SAMD3: variants seen among roughly 807,000 people sequenced by gnomAD.
The protein encoded by SAMD3 is sterile alpha motif domain containing 3, also known as sterile alpha motif domain-containing protein 3.
A neutral mutation model predicts 58.5 loss-of-function variants in SAMD3; 63 were observed. The ratio of observed to expected loss-of-function variants is 1.08; its 90% confidence interval spans 0.88 to 1.33. The LOEUF is 1.33. SAMD3 is among the 40% of genes most tolerant of loss of function. The pLI is 0.00. For synonymous variants in SAMD3, 220 were observed against 210.3 expected (o/e 1.05, Z -0.40); for missense variants, 604 against 608.4 (o/e 0.99, Z 0.08).
At position 130,181,919 on chromosome 6, in the gene SAMD3, C is replaced by T. The variant is rs139566996; in HGVS notation, c.654+2184G>A. On this transcript the variant is annotated intron_variant, in intron 7 of 11. Transcript: ENST00000439090. The stretch of plus-strand genomic sequence containing the variant: ...TGTCTACTAAAAATACAACAAATTA[C>T]CTGGGCGTGGTGGGGGGCACCTGTA... Among the ~76,000 whole-genome samples the T allele has an allele frequency of 6.5e-3, 980 of 151,778 alleles. 17 individuals are homozygous for T. Among genetic ancestry groups the T allele is most frequent in the Non-Finnish European group, 5.3e-3 (362 of 67,910 alleles).
intron 1 of SAMD3, among the ~76,000 whole-genome samples, chr6:130,316,302 A>G (rs1776368894): frequency 6.6e-6 from 1 of 151,132 alleles, no homozygotes; most frequent in South Asian, 2.1e-4. Context: ...AAAAAAAAAA[A>G]AAAAAAAAAG....
intron 2 of SAMD3, among the ~76,000 whole-genome samples, chr6:130,283,655 CTG>C (rs1231829125): frequency 6.6e-6 from 1 of 152,050 alleles, no homozygotes; most frequent in Non-Finnish European, 1.5e-5. Context: ...ATTATACAAA[CTG>C]TCATTTGGGA....
intron 2 of SAMD3, among the ~76,000 whole-genome samples, chr6:130,256,187 C>T (rs554921997): frequency 3.2e-4 from 49 of 151,794 alleles, no homozygotes; most frequent in African/African-American, 1.1e-3. Context: ...GGTTTGGACT[C>T]TTGATTTCAT....
chr6:130,316,591 G>A (rs1425080900), intron 1 of SAMD3, among the ~76,000 whole-genome samples: 1 of 152,144 alleles, frequency 6.6e-6, no homozygotes, highest in Non-Finnish European at 1.5e-5. Flanking sequence ...TACCCCATGA[G>A]GTAGGGAAAG....
intron 8 of SAMD3, among the ~76,000 whole-genome samples, chr6:130,163,938 A>G (rs1461432987): frequency 1.3e-5 from 2 of 152,190 alleles, no homozygotes; most frequent in Non-Finnish European, 2.9e-5. Flanking sequence ...AAGTAGGAAA[A>G]GAAAATGTTT....
In SAMD3 at chr6:130,289,479, T is replaced by C. The variant is rs112428439; in HGVS notation, c.-188+23499A>G. Among the ~76,000 whole-genome samples the C allele has an allele frequency of 7.3e-3, 1,010 of 137,946 alleles. 7 individuals carry two copies. Among genetic ancestry groups the C allele is most frequent in the Non-Finnish European group, 0.011 (687 of 63,392 alleles). 90.5% of individuals were successfully genotyped at this position (137,946 alleles called of 152,430 possible). On this transcript the variant is annotated intron_variant, in intron 2 of 13. Coordinates refer to the SAMD3 transcript ENST00000368134. ...CGGCACTTATTTATTTGAGAGGTAG[T>C]AAAAGGTAAAGAAAAAAAAATATAT...
chr6:130,252,331 G>GGT (rs1180364858), intron 2 of SAMD3, among the ~76,000 whole-genome samples: 2 of 152,032 alleles, frequency 1.3e-5, no homozygotes, highest in African/African-American at 4.8e-5. Flanking sequence ...TATAATTAGA[G>GGT]TAAGCTTTTT....
At chr6:130,248,589 A>G (rs1237569551) in intron 2 of SAMD3, among the ~76,000 whole-genome samples, 1 of 152,124 alleles carries the variant, frequency 6.6e-6, no homozygotes, top group African/African-American at 2.4e-5. Flanking sequence ...TGTCTGTTCA[A>G]TCCTCAGCCT....
chr6:130,179,571 A>G (rs1203204447), intron 7 of SAMD3, among the ~76,000 whole-genome samples: 1 of 150,274 alleles, frequency 6.7e-6, no homozygotes, highest in African/African-American at 2.4e-5. Context: ...AAATATCCAG[A>G]AAAATAAAAA....
At chr6:130,269,787 T>A (rs1197468492) in intron 2 of SAMD3, among the ~76,000 whole-genome samples, 1 of 151,842 alleles carries the variant, frequency 6.6e-6, no homozygotes, top group Non-Finnish European at 1.5e-5. Flanking sequence ...TTTTCTACTT[T>A]ATTCAGGTAG....
At position 130,213,325 on chromosome 6, in the gene SAMD3, T is replaced by TAAA. The variant is rs1263542008; in HGVS notation, c.269+1009_269+1011dup. On this transcript the variant is annotated intron_variant, in intron 4 of 11. Transcript: ENST00000439090. ...AAAAAACAAAAAGCTTTTTTTTTTTTAAAAAAAATCAATTAGTAGAATTTC... is the reference window on the plus strand; with the variant it reads ...AAAAAACAAAAAGCTTTTTTTTTTTTAAAAAAAAAAATCAATTAGTAGAATTTC... 1.5e-3 allele frequency among the ~76,000 whole-genome samples: 223 copies of TAAA among 150,572 alleles called. 1 individual carries two copies. The highest frequency in any genetic ancestry group is 2.0e-3 in the African/African-American group (81 of 40,986).
At chr6:130,266,873 C>T (rs565422162) in intron 2 of SAMD3, among the ~76,000 whole-genome samples, 169 of 152,230 alleles carry the variant, frequency 1.1e-3, no homozygotes, top group African/African-American at 3.6e-3. Flanking sequence ...GAGAATTATA[C>T]GATATTATAG....
intron 5 of SAMD3, among the ~76,000 whole-genome samples, chr6:130,195,266 C>T (rs1475414701): frequency 3.3e-5 from 5 of 152,226 alleles, no homozygotes; most frequent in Admixed American, 2.6e-4. Flanking sequence ...TCCTTGGTGA[C>T]CGATTATGCA....
At chr6:130,301,748 C>G (rs1330039989) in intron 2 of SAMD3, among the ~76,000 whole-genome samples, 1 of 151,952 alleles carries the variant, frequency 6.6e-6, no homozygotes, top group Non-Finnish European at 1.5e-5. Flanking sequence ...AAACAAAAAC[C>G]AGACACATAG....
intron 1 of SAMD3, among the ~76,000 whole-genome samples, chr6:130,222,263 C>A (rs1796255819): frequency 6.6e-6 from 1 of 152,068 alleles, no homozygotes; most frequent in Admixed American, 6.6e-5. Context: ...GAAATGAACA[C>A]AAAGATGTGT....
chr6:130,341,880 T>A lies in SAMD3; in HGVS notation c.-304+23240A>T, dbSNP rs534460018. 4.6e-5 allele frequency among the ~76,000 whole-genome samples: 7 copies of A among 152,346 alleles called. No individual in the cohort carries two copies. The South Asian group carries it at 1.4e-3, about 32-fold the overall frequency. On this transcript the variant is annotated intron_variant, in intron 1 of 13. Transcript: ENST00000368134. ...TTCCACCTCTAAACACCTTTGTAAATTTAGCTCCATAAATTTTAAAAAATC... is the reference window on the plus strand; with the variant it reads ...TTCCACCTCTAAACACCTTTGTAAAATTAGCTCCATAAATTTTAAAAAATC...
chr6:130,156,785 A>G (rs1789821405), intron 8 of SAMD3, among the ~76,000 whole-genome samples: 1 of 152,164 alleles, frequency 6.6e-6, no homozygotes, highest in Non-Finnish European at 1.5e-5. Context: ...AGCCAGGGCA[A>G]CATAGCAAGG....
intron 2 of SAMD3, among the ~76,000 whole-genome samples, chr6:130,292,626 G>GC (rs1775415521): frequency 6.8e-6 from 1 of 147,188 alleles, no homozygotes; most frequent in African/African-American, 2.5e-5. Flanking sequence ...GTTTTGTTTT[G>GC]TTTTGTTTTT....
intron 9 of SAMD3, 27 bp downstream of exon 9, chr6:130,154,798 G>T: frequency 8.0e-7 from 1 of 1,251,848 alleles, no homozygotes; most frequent in Non-Finnish European, 1.2e-6. Context: ...ATATATGTGT[G>T]TGTATATATA....
Sources: gnomAD v4.1 joint callset for allele counts (sites outside exome capture counted in the v4.1 genomes callset) on GRCh38, gnomAD v4.1.1 for gene constraint, MANE v1.5 for transcripts, NCBI Gene and HGNC (gene_info 2026-07-23, HGNC 2026-07-21) for gene names.